ZCCHC7: variants seen among roughly 807,000 people sequenced by gnomAD.
The protein encoded by ZCCHC7 is zinc finger CCHC domain-containing protein 7.
A neutral mutation model predicts 52.0 loss-of-function variants in ZCCHC7; 35 were observed. The observed-to-expected ratio is 0.67, with a 90% CI of 0.51 to 0.89. The LOEUF (loss-of-function observed/expected upper bound fraction) is 0.89, where lower values mean the gene tolerates loss of function less well. Among genes scored for constraint, ZCCHC7 ranks in the 40% least tolerant of loss-of-function variants. The probability of loss-of-function intolerance (pLI) is 0.00; values close to 1 mark genes in which losing one functional copy is unlikely to be tolerated. For synonymous variants in ZCCHC7, 217 were observed against 221.5 expected (o/e 0.98, Z 0.18); for missense variants, 574 against 649.1 (o/e 0.88, Z 1.26).
intron 5 of ZCCHC7, among the ~76,000 whole-genome samples, chr9:37,317,843 A>G (rs1451551680): frequency 1.5e-5 from 2 of 131,686 alleles, no homozygotes; most frequent in Admixed American, 8.2e-5. Flanking sequence ...ACTCCCCCCG[A>G]CCCCCCCCAA....
intron 3 of ZCCHC7, among the ~76,000 whole-genome samples, chr9:37,303,246 G>A (rs1159892711): frequency 2.6e-5 from 4 of 152,046 alleles, no homozygotes; most frequent in South Asian, 2.1e-4. Flanking sequence ...GCAACATGGC[G>A]AAACTCCTTC....
intron 2 of ZCCHC7, among the ~76,000 whole-genome samples, chr9:37,166,398 A>G (rs887713273): frequency 1.3e-5 from 2 of 152,120 alleles, no homozygotes; most frequent in Admixed American, 6.6e-5. Flanking sequence ...CTCCATCTCA[A>G]AAACTAATAA....
intron 6 of ZCCHC7, among the ~76,000 whole-genome samples, chr9:37,348,865 G>T (rs1426727926): frequency 6.6e-6 from 1 of 152,098 alleles, no homozygotes; most frequent in Admixed American, 6.5e-5. Flanking sequence ...TGTTCATTCT[G>T]TTCCCTCTGC....
chr9:37,323,257 A>G (rs1038614216), intron 5 of ZCCHC7, among the ~76,000 whole-genome samples: 1 of 152,196 alleles, frequency 6.6e-6, no homozygotes, highest in Admixed American at 6.5e-5. Context: ...TTTACTACAA[A>G]TATTAGCAAC....
chr9:37,256,473 C>G lies in ZCCHC7; in HGVS notation c.611-45715C>G, dbSNP rs989468176. ...TCTGGCTCCTTAGAATGAATGAAGG[C>G]AATTACATGAAACCTTACTAATAAT... On this transcript the variant is annotated intron_variant, in intron 2 of 8. Coordinates refer to ENST00000336755, the MANE Select transcript of ZCCHC7 (RefSeq NM_032226.3). Among the ~76,000 whole-genome samples, 31 of 152,062 alleles carry G rather than the reference C, an allele frequency of 2.0e-4. 1 individual carries two copies. The highest frequency in any genetic ancestry group is 1.9e-3 in the Admixed American group (29 of 15,256).
At chr9:37,239,929 T>C (rs1400946899) in intron 2 of ZCCHC7, among the ~76,000 whole-genome samples, 1 of 152,086 alleles carries the variant, frequency 6.6e-6, no homozygotes, top group Non-Finnish European at 1.5e-5. Flanking sequence ...TGAAAACATA[T>C]GGGAACCATT....
intron 6 of ZCCHC7, among the ~76,000 whole-genome samples, chr9:37,332,353 C>T (rs1363826513): frequency 7.0e-6 from 1 of 143,622 alleles, no homozygotes; most frequent in Admixed American, 6.8e-5. Context: ...GTTTGAATAA[C>T]AAGATTTTTT....
At chr9:37,170,113 A>G (rs1390998617) in intron 2 of ZCCHC7, among the ~76,000 whole-genome samples, 3 of 152,004 alleles carry the variant, frequency 2.0e-5, no homozygotes, top group Non-Finnish European at 2.9e-5. Context: ...TAACCATTTT[A>G]TATTTAAAAC....
chr9:37,196,903 G>T (rs1482622289), intron 2 of ZCCHC7, among the ~76,000 whole-genome samples: 1 of 151,982 alleles, frequency 6.6e-6, no homozygotes, highest in Non-Finnish European at 1.5e-5. Flanking sequence ...TTTGTGTGAA[G>T]GATAAAGCTC....
At chr9:37,225,908 G>A (rs1200316058) in intron 2 of ZCCHC7, among the ~76,000 whole-genome samples, 2 of 152,156 alleles carry the variant, frequency 1.3e-5, no homozygotes, top group African/African-American at 4.8e-5. Flanking sequence ...TTTCTACATT[G>A]TACTGGAAGT....
intron 2 of ZCCHC7, among the ~76,000 whole-genome samples, chr9:37,236,837 C>A (rs1490741481): frequency 2.0e-5 from 3 of 152,190 alleles, no homozygotes; most frequent in Non-Finnish European, 4.4e-5. Flanking sequence ...ATCAGTTTCA[C>A]TCCAGTTGTT....
At chr9:37,296,057 A>G (rs1828769444) in intron 2 of ZCCHC7, among the ~76,000 whole-genome samples, 1 of 152,092 alleles carries the variant, frequency 6.6e-6, no homozygotes, top group Non-Finnish European at 1.5e-5. Flanking sequence ...GGTTTTTGCC[A>G]TTACTTTCAA....
At chr9:37,245,147 A>G (rs1362343417) in intron 2 of ZCCHC7, among the ~76,000 whole-genome samples, 3 of 151,878 alleles carry the variant, frequency 2.0e-5, no homozygotes, top group African/African-American at 7.2e-5. Flanking sequence ...TTTTAGATAG[A>G]TAAAATTTTA....
At chr9:37,327,089 T>C (rs1304390843) in intron 5 of ZCCHC7, 1 of 152,138 alleles carries the variant, frequency 6.6e-6, no homozygotes, top group Non-Finnish European at 1.5e-5. Flanking sequence ...AATCACTGTT[T>C]TTGTTGTTCC....
intron 2 of ZCCHC7, among the ~76,000 whole-genome samples, chr9:37,263,389 C>A (rs961947139): frequency 4.0e-5 from 6 of 151,610 alleles, no homozygotes; most frequent in African/African-American, 7.3e-5. Flanking sequence ...GAAAAAAAAA[C>A]CTGTGGTTTT....
chr9:37,128,276 G>A (rs1005360604), intron 2 of ZCCHC7, among the ~76,000 whole-genome samples: 2 of 152,140 alleles, frequency 1.3e-5, no homozygotes, highest in Admixed American at 6.6e-5. Context: ...AGAGGTAGAG[G>A]AGAAAGAATA....
chr9:37,238,906 T>G (rs1825767774), intron 2 of ZCCHC7, among the ~76,000 whole-genome samples: 1 of 152,186 alleles, frequency 6.6e-6, no homozygotes, highest in South Asian at 2.1e-4. Context: ...TTATTTTCAT[T>G]TTTCCTACAT....
intron 6 of ZCCHC7, among the ~76,000 whole-genome samples, chr9:37,333,217 T>C (rs1830518370): frequency 6.6e-6 from 1 of 151,664 alleles, no homozygotes; most frequent in Non-Finnish European, 1.5e-5. Context: ...GTATGCAGCC[T>C]TCACTCAATT....
intron 2 of ZCCHC7, among the ~76,000 whole-genome samples, chr9:37,267,021 G>GA (rs2133475135): frequency 6.6e-6 from 1 of 152,318 alleles, no homozygotes; most frequent in African/African-American, 2.4e-5. Context: ...TTGAGAGAGA[G>GA]AGAGGTATAC....
Sources: allele counts gnomAD v4.1 joint callset (sites outside exome capture counted in the v4.1 genomes callset), GRCh38; gene constraint gnomAD v4.1.1; transcripts MANE v1.5; gene names NCBI Gene and HGNC (gene_info 2026-07-23, HGNC 2026-07-21).